The following LTBP1 variants were observed in gnomAD, a reference collection of about 807,000 sequenced individuals.
The protein encoded by LTBP1 is latent-transforming growth factor beta-binding protein 1.
LTBP1 carries 129 observed loss-of-function variants against 207.6 expected under a neutral mutation model. The ratio of observed to expected loss-of-function variants is 0.62; its 90% CI spans 0.54 to 0.72. The LOEUF (loss-of-function observed/expected upper bound fraction) is 0.72, where lower values mean the gene tolerates loss of function less well. LTBP1 is among the 30% of genes least tolerant of loss of function. The pLI, the probability that LTBP1 is intolerant of heterozygous loss-of-function variation, is 0.00. For synonymous variants in LTBP1, 963 were observed against 833.7 expected, an observed-to-expected ratio of 1.16 and a Z score of -2.67; for missense variants, 2,281 against 2,217.2, an observed-to-expected ratio of 1.03 and a Z score of -0.58.
rs111652711 is a variant in LTBP1 at position 32,978,727 on chromosome 2, G to A, written c.565+29782G>A. ...GTATCATATACCAGCTTCATAGAACGAGTTTTAGAAGTATTCCCTCCTCCT... is the reference window on the plus strand; with the variant it reads ...GTATCATATACCAGCTTCATAGAACAAGTTTTAGAAGTATTCCCTCCTCCT... On this transcript the variant is annotated intron_variant, in intron 2 of 33. Transcript: ENST00000404816. 4.1e-3 allele frequency among the ~76,000 whole-genome samples: 605 copies of A among 148,494 alleles called. 4 individuals are homozygous for A. Among genetic ancestry groups the A allele is most frequent in the African/African-American group, 0.014 (575 of 40,452 alleles).
At chr2:33,205,579 A>G (rs1188779644) in intron 7 of LTBP1, among the ~76,000 whole-genome samples, 3 of 152,204 alleles carry the variant, frequency 2.0e-5, no homozygotes, top group African/African-American at 7.2e-5. Context: ...GTTATCCAGA[A>G]TATATGGCTT....
At chr2:33,190,473 G>A (rs1002063800) in intron 7 of LTBP1, among the ~76,000 whole-genome samples, 4 of 152,158 alleles carry the variant, frequency 2.6e-5, no homozygotes, top group Non-Finnish European at 5.9e-5. Context: ...AGAAGGAGGG[G>A]AGATTGTAGA....
At chr2:33,299,407 A>C (rs2093941894) in intron 20 of LTBP1, among the ~76,000 whole-genome samples, 1 of 152,184 alleles carries the variant, frequency 6.6e-6, no homozygotes, top group South Asian at 2.1e-4. Context: ...TCTATAGGAC[A>C]TGGTTTTTAA....
chr2:33,079,344 T>C (rs1053222792), intron 3 of LTBP1, among the ~76,000 whole-genome samples: 1 of 152,160 alleles, frequency 6.6e-6, no homozygotes, highest in Non-Finnish European at 1.5e-5. Flanking sequence ...CACATGGGGA[T>C]GGAAGAAGCT....
chr2:33,264,706 T>G (rs555977550), intron 15 of LTBP1, among the ~76,000 whole-genome samples: 1 of 152,192 alleles, frequency 6.6e-6, no homozygotes, highest in Non-Finnish European at 1.5e-5. Context: ...AATTAGTATG[T>G]AAAACCCAAT....
At chr2:33,232,354 A>G (rs1573329209) in intron 9 of LTBP1, among the ~76,000 whole-genome samples, 2 of 152,210 alleles carry the variant, frequency 1.3e-5, no homozygotes, top group East Asian at 3.8e-4. Flanking sequence ...CTAGAGTTTG[A>G]TCAAGGAGAG....
intron 10 of LTBP1, among the ~76,000 whole-genome samples, chr2:33,251,501 A>C (rs910030630): frequency 6.6e-6 from 1 of 152,084 alleles, no homozygotes; most frequent in Non-Finnish European, 1.5e-5. Flanking sequence ...TCTACTAAAA[A>C]TTCAAAGAAC....
intron 20 of LTBP1, among the ~76,000 whole-genome samples, chr2:33,298,301 T>C (rs985254541): frequency 6.6e-6 from 1 of 152,252 alleles, no homozygotes; most frequent in Non-Finnish European, 1.5e-5. Flanking sequence ...GTGTCATTAC[T>C]TGTCATGAAT....
At chr2:33,369,662 A>G (rs1280454420) in intron 31 of LTBP1, among the ~76,000 whole-genome samples, 2 of 152,080 alleles carry the variant, frequency 1.3e-5, no homozygotes, top group South Asian at 4.2e-4. Flanking sequence ...GGTTCAAGAG[A>G]TTCTCCCACC....
At chr2:33,145,016 A>G (rs1019235236) in intron 5 of LTBP1, among the ~76,000 whole-genome samples, 3 of 152,222 alleles carry the variant, frequency 2.0e-5, no homozygotes, top group African/African-American at 7.2e-5. Flanking sequence ...TGAGCATTTT[A>G]AGATTCATTC....
chr2:33,330,997 G>A (rs191987893), intron 24 of LTBP1, among the ~76,000 whole-genome samples: 2 of 151,742 alleles, frequency 1.3e-5, no homozygotes, highest in Non-Finnish European at 2.9e-5. Flanking sequence ...GTTTCAGTAA[G>A]TTTTGTTTTC....
intron 3 of LTBP1, among the ~76,000 whole-genome samples, chr2:33,090,108 A>G (rs1017005002): frequency 1.3e-5 from 2 of 152,232 alleles, no homozygotes; most frequent in African/African-American, 2.4e-5. Flanking sequence ...TTTTCTCTGG[A>G]AGAATATTAT....
chr2:33,024,519 G>T (rs538012453), intron 3 of LTBP1, among the ~76,000 whole-genome samples: 1 of 152,342 alleles, frequency 6.6e-6, no homozygotes, highest in South Asian at 2.1e-4. Context: ...TTTTAGGCAG[G>T]TGGGGATTAG....
intron 8 of LTBP1, among the ~76,000 whole-genome samples, chr2:33,220,442 A>AT (rs918851981): frequency 3.3e-5 from 5 of 151,874 alleles, no homozygotes; most frequent in Admixed American, 1.3e-4. Context: ...ATTGTTGATC[A>AT]TTTTTTTTGC....
intron 31 of LTBP1, among the ~76,000 whole-genome samples, chr2:33,377,079 C>T (rs2095149840): frequency 6.6e-6 from 1 of 152,152 alleles, no homozygotes; most frequent in Admixed American, 6.5e-5. Flanking sequence ...ACATGGTTTG[C>T]CGCAAGGTGA....
intron 3 of LTBP1, among the ~76,000 whole-genome samples, chr2:33,040,011 G>C (rs770215632): frequency 1.3e-5 from 2 of 152,154 alleles, no homozygotes; most frequent in Admixed American, 6.5e-5. Context: ...AGAAAAGAGA[G>C]ATCGAATGGG....
chr2:33,179,176 T>A (rs952013255), intron 5 of LTBP1, among the ~76,000 whole-genome samples: 4 of 151,844 alleles, frequency 2.6e-5, no homozygotes, highest in African/African-American at 7.3e-5. Context: ...CAAACTTTTT[T>A]AAAACATGAG....
chr2:33,086,817 G>C (rs2078780515), intron 3 of LTBP1, among the ~76,000 whole-genome samples: 1 of 151,880 alleles, frequency 6.6e-6, no homozygotes. Context: ...GTCTCGTTGG[G>C]CCACCTGCCA....
chr2:32,982,563 T>G (rs1015699713), intron 2 of LTBP1, among the ~76,000 whole-genome samples: 1 of 152,128 alleles, frequency 6.6e-6, no homozygotes, highest in Non-Finnish European at 1.5e-5. Context: ...GAGACTTTCA[T>G]GGCAGCTCCT....
Sources: gnomAD v4.1 joint callset for allele counts (sites outside exome capture counted in the v4.1 genomes callset) on GRCh38, gnomAD v4.1.1 for gene constraint, MANE v1.5 for transcripts, NCBI Gene and HGNC (gene_info 2026-07-23, HGNC 2026-07-21) for gene names.